The following KCNAB1 variants were observed in gnomAD, a reference collection of about 807,000 sequenced individuals.
KCNAB1 encodes the protein potassium voltage-gated channel subfamily A regulatory beta subunit 1.
Under a neutral mutation model 64.6 loss-of-function variants are expected in KCNAB1, and 35 were observed. The observed-to-expected ratio is 0.54, with a 90% CI of 0.41 to 0.72. KCNAB1 has a LOEUF of 0.72. Ranked by LOEUF, KCNAB1 falls within the 30% of genes least tolerant of loss-of-function variation. The probability of loss-of-function intolerance (pLI) is 0.00; values close to 1 mark genes in which losing one functional copy is unlikely to be tolerated. For missense variants in KCNAB1, 401 were observed against 512.9 expected (o/e 0.78, Z 2.11); for synonymous variants, 177 against 183.8 (o/e 0.96, Z 0.30).
At position 156,202,702 on chromosome 3, in the gene KCNAB1, A is replaced by G. The variant is rs145900786; in HGVS notation, c.275+81816A>G. On this transcript the variant is annotated intron_variant, in intron 1 of 13. Transcript: ENST00000490337. ...AATGTCAACAGTTTTTTGGTCATAG[A>G]TATTGTCTGTCATGTTAAGGTAATA... Among the ~76,000 whole-genome samples, 872 of 152,166 alleles carry G rather than the reference A, an allele frequency of 5.7e-3. 8 individuals carry two copies. Among genetic ancestry groups the G allele is most frequent in the South Asian group, 0.017 (83 of 4,810 alleles).
rs397991453 is a variant in KCNAB1 at position 156,312,703 on chromosome 3, C to CAAAA, written c.276-108888_276-108885dup. On this transcript the variant is annotated intron_variant, in intron 1 of 13. Transcript: ENST00000490337. ...CTAGGTGACAGAGTGAGACTGTCTC[C>CAAAA]AAAAAAAAAAAAAAAAAAAAAAAAA... 6.6e-3 allele frequency among the ~76,000 whole-genome samples: 180 copies of CAAAA among 27,410 alleles called. 25 individuals carry two copies. Among genetic ancestry groups the CAAAA allele is most frequent in the African/African-American group, 0.021 (174 of 8,422 alleles). The allele number at this position is 27,410 out of a possible 152,430, so 18.0% of individuals were successfully genotyped here. A position where few individuals can be genotyped will look rare whatever the true frequency, so the allele number is the denominator to read the frequency against.
At chr3:156,380,441 T>C (rs1368564983) in intron 1 of KCNAB1, among the ~76,000 whole-genome samples, 1 of 152,240 alleles carries the variant, frequency 6.6e-6, no homozygotes, top group Non-Finnish European at 1.5e-5. Context: ...TCAATTTAGA[T>C]TTAAGAATAC....
At chr3:156,165,335 C>T (rs1328289067) in intron 1 of KCNAB1, among the ~76,000 whole-genome samples, 1 of 137,892 alleles carries the variant, frequency 7.3e-6, no homozygotes. Flanking sequence ...GAGCATTATA[C>T]TGTAAACTGG....
chr3:156,456,979 T>C (rs1712484659), intron 3 of KCNAB1: 1 of 155,060 alleles, frequency 6.4e-6, no homozygotes, highest in South Asian at 2.0e-4. Flanking sequence ...GAGCTGTGGG[T>C]GGCAGGAGTT....
Position 156,515,100 on chromosome 3 carries a change from G to C in KCNAB1, c.745G>C (p.Glu249Gln). 6.2e-7 allele frequency: 1 copy of C among 1,600,724 alleles called. No homozygotes were observed. The highest frequency in any genetic ancestry group is 1.1e-5 in the South Asian group (1 of 88,000). Residue 249 changes from glutamate (E) to glutamine (Q), a missense_variant and splice_region_variant, in exon 10 of 14, where the codon GAA becomes CAA. By Grantham distance (29) the Glu-to-Gln change is conservative. Transcript: ENST00000490337. ...TSRWSAMEIM[E>Q]AYSVARQFNM... Reference sequence around the variant, plus strand: ...TGGTTGTAATCTCATTCCTCCCTAGGAAGCCTATTCTGTAGCAAGACAGTT... The same window carrying C: ...TGGTTGTAATCTCATTCCTCCCTAGCAAGCCTATTCTGTAGCAAGACAGTT...
At chr3:156,354,045 A>ATGTG (rs1305004508) in intron 1 of KCNAB1, among the ~76,000 whole-genome samples, 25 of 117,332 alleles carry the variant, frequency 2.1e-4, no homozygotes, top group African/African-American at 1.2e-3. Flanking sequence ...GTGTGTATAT[A>ATGTG]TATGTGTGTG....
intron 1 of KCNAB1, among the ~76,000 whole-genome samples, chr3:156,357,882 A>G (rs557689797): frequency 3.3e-5 from 5 of 150,934 alleles, no homozygotes; most frequent in Middle Eastern, 3.2e-3. Flanking sequence ...TTTGTACCTA[A>G]GGAAAACTCA....
intron 2 of KCNAB1, among the ~76,000 whole-genome samples, chr3:156,448,613 C>G (rs898071383): frequency 6.6e-6 from 1 of 152,064 alleles, no homozygotes; most frequent in African/African-American, 2.4e-5. Flanking sequence ...TTCCCTTGGC[C>G]TTTTTCCACA....
chr3:156,126,511 G>T (rs1296400213), intron 1 of KCNAB1, among the ~76,000 whole-genome samples: 2 of 152,194 alleles, frequency 1.3e-5, no homozygotes, highest in East Asian at 3.8e-4. Context: ...TCCCCAAGGA[G>T]GGGGAGCCTC....
chr3:156,427,733 A>G (rs537856651), intron 2 of KCNAB1, among the ~76,000 whole-genome samples: 9 of 152,238 alleles, frequency 5.9e-5, no homozygotes, highest in African/African-American at 2.2e-4. Context: ...AGCATCAGGG[A>G]TTGTCCTAAA....
rs141977408 is a variant in KCNAB1, at chr3:156,524,730, G to A, written c.1081+783G>A. ...TCACTGCACTCCAGCCTGCGTGACA[G>A]AGCAAGACTCCATCTCAAAAAAAAA... On this transcript the variant is annotated intron_variant, in intron 12 of 13. Transcript: ENST00000490337. Among the ~76,000 whole-genome samples the A allele has an allele frequency of 8.3e-3, 972 of 117,722 alleles. 8 individuals carry two copies. Among genetic ancestry groups the A allele is most frequent in the African/African-American group, 0.03 (885 of 29,370 alleles). The allele number at this position is 117,722 out of a possible 152,430, so 77.2% of individuals were successfully genotyped here. A position where few individuals can be genotyped will look rare whatever the true frequency, so the allele number is the denominator to read the frequency against.
chr3:156,255,082 A>C (rs1445247498), intron 1 of KCNAB1, among the ~76,000 whole-genome samples: 2 of 152,196 alleles, frequency 1.3e-5, no homozygotes, highest in Non-Finnish European at 2.9e-5. Context: ...TTTAGGGAGC[A>C]TTCAGCCCAT....
At chr3:156,269,409 A>T (rs1718901793) in intron 1 of KCNAB1, among the ~76,000 whole-genome samples, 1 of 152,206 alleles carries the variant, frequency 6.6e-6, no homozygotes, top group Admixed American at 6.5e-5. Flanking sequence ...GGCCTAACAT[A>T]TGCGTATTGT....
At chr3:156,530,073 G>C (rs1390966474) in intron 12 of KCNAB1, among the ~76,000 whole-genome samples, 1 of 152,196 alleles carries the variant, frequency 6.6e-6, no homozygotes, top group Non-Finnish European at 1.5e-5. Flanking sequence ...GTTTAAGAGG[G>C]GAAGAAGGTT....
intron 1 of KCNAB1, among the ~76,000 whole-genome samples, chr3:156,132,009 C>T (rs1461472017): frequency 6.6e-6 from 1 of 152,128 alleles, no homozygotes; most frequent in Non-Finnish European, 1.5e-5. Flanking sequence ...CATTCAACTG[C>T]AAAGAAGGCT....
At chr3:156,382,178 G>T (rs1370635200) in intron 1 of KCNAB1, 1 of 152,168 alleles carries the variant, frequency 6.6e-6, no homozygotes, top group East Asian at 1.9e-4. Flanking sequence ...ATCTCCAGAA[G>T]TGAGATCCAG....
intron 1 of KCNAB1, among the ~76,000 whole-genome samples, chr3:156,361,138 A>G (rs1314989766): frequency 6.6e-6 from 1 of 152,072 alleles, no homozygotes; most frequent in Non-Finnish European, 1.5e-5. Flanking sequence ...CCAGAGCTTT[A>G]CCGCCCTCAT....
At chr3:156,149,132 GT>G (rs940323506) in intron 1 of KCNAB1, among the ~76,000 whole-genome samples, 19 of 152,274 alleles carry the variant, frequency 1.2e-4, no homozygotes, top group Admixed American at 1.2e-3. Context: ...GCTTGCCCCA[GT>G]GTCCGAAGAT....
chr3:156,292,656 C>G (rs913335567), intron 1 of KCNAB1, among the ~76,000 whole-genome samples: 13 of 152,136 alleles, frequency 8.5e-5, no homozygotes, highest in Non-Finnish European at 1.9e-4. Context: ...ATTCTCCTGC[C>G]TTAACCTCCT....
Sources: gnomAD v4.1 joint callset for allele counts (sites outside exome capture counted in the v4.1 genomes callset) on GRCh38, gnomAD v4.1.1 for gene constraint, MANE v1.5 for transcripts, NCBI Gene and HGNC (gene_info 2026-07-23, HGNC 2026-07-21) for gene names.